C11orf58: variants seen among roughly 807,000 people sequenced by gnomAD.
C11orf58 encodes chromosome 11 open reading frame 58, also known as small acidic protein.
Under a neutral mutation model 22.7 loss-of-function variants are expected in C11orf58, and 5 were observed. That is an observed-to-expected ratio of 0.22 (90% CI 0.12 to 0.46). The LOEUF is 0.46. Among genes scored for constraint, C11orf58 ranks in the 20% least tolerant of loss-of-function variants. C11orf58 has a pLI of 0.99. For missense variants in C11orf58, 151 were observed against 223.3 expected, an observed-to-expected ratio of 0.68 and a Z score of 2.06; for synonymous variants, 71 against 70.7, an observed-to-expected ratio of 1.00 and a Z score of -0.02.
At chr11:16,753,932 T>C in intron 4 of C11orf58, 1 of 565,282 alleles carries the variant, frequency 1.8e-6, no homozygotes, top group Non-Finnish European at 3.2e-6. Flanking sequence ...ACTCCTGGGT[T>C]CAAGCGATCT....
At chr11:16,746,274 T>C (rs928922709) in intron 2 of C11orf58, among the ~76,000 whole-genome samples, 1 of 152,216 alleles carries the variant, frequency 6.6e-6, no homozygotes, top group African/African-American at 2.4e-5. Context: ...TTGTATAATA[T>C]CTCATTAATC....
In C11orf58 at chr11:16,755,093, A is replaced by C; in HGVS notation, c.541A>C (p.Ser181Arg). 1 of 1,613,996 alleles carries C rather than the reference A, an allele frequency of 6.2e-7. No individual in the cohort carries two copies. The change falls in exon 5 of 5, where the codon AGT becomes CGT. Residue 181 changes from serine (S) to arginine (R), a missense_variant. This residue lies in a region of C11orf58 where 112 missense variants were observed against 162.6 expected (regional missense o/e 0.69). Coordinates refer to ENST00000228136, the MANE Select transcript of C11orf58 (RefSeq NM_014267.6). Reference protein sequence around the residue: ...SNYKMMFVKSSGS With the variant: ...SNYKMMFVKSRGS ...TTATAAAATGATGTTTGTTAAATCC[A>C]GTGGTTCATAACTCCCAAACGCTTA...
chr11:16,744,515 A>C, intron 1 of C11orf58, 86 bp from the exon 2 acceptor site: 1 of 1,083,108 alleles, frequency 9.2e-7, no homozygotes, highest in Non-Finnish European at 1.4e-6. Context: ...ACAGGGGAAA[A>C]AAACTTGAGA....
rs1848584871 is a variant in C11orf58, at chr11:16,756,990, T to C, written c.*1886T>C. On this transcript the variant is annotated 3_prime_UTR_variant, in exon 5 of 5. Coordinates refer to ENST00000228136, the MANE Select transcript of C11orf58 (RefSeq NM_014267.6). ...GGTGATTTCTGGTTGATAGACTCTA[T>C]CTTGCAGTATATTTATTTCATGTAT... is the stretch of plus-strand genomic sequence containing the variant. 1 of 151,934 alleles carries C rather than the reference T, an allele frequency of 6.6e-6. No homozygotes were observed. Among genetic ancestry groups the C allele is most frequent in the African/African-American group, 2.4e-5 (1 of 41,382 alleles). The allele number at this position is 151,934 out of a possible 1,614,324, so 9.4% of individuals were successfully genotyped here.
chr11:16,754,743 G>C (rs1407163941), intron 4 of C11orf58, 128 bp from the exon 5 acceptor site: 1 of 1,444,888 alleles, frequency 6.9e-7, no homozygotes, highest in Non-Finnish European at 9.3e-7. Context: ...TTCTACTCAA[G>C]TCTTAAAGCT....
At chr11:16,747,812 ATCT>A in intron 2 of C11orf58, 1 of 200,732 alleles carries the variant, frequency 5.0e-6, no homozygotes, top group South Asian at 1.3e-4. Flanking sequence ...TTATCTATTC[ATCT>A]TATTTAAAAT....
chr11:16,754,933 A>G lies in C11orf58; in HGVS notation c.381A>G (p.Ser127=), dbSNP rs372208478. The G allele has an allele frequency of 6.2e-7, 1 of 1,614,122 alleles. No homozygotes were observed. Among genetic ancestry groups the G allele is most frequent in the Non-Finnish European group, 8.5e-7 (1 of 1,180,010 alleles). ...AGDDDDDDDD[S]PDPESPDDSE... is the part of the protein sequence containing the mutation. ...ATGATGATGATGACGATGATGATTC[A>G]CCTGATCCTGAAAGTCCAGATGATT... Residue 127 remains serine, a synonymous_variant, in exon 5 of 5, where the codon TCA becomes TCG. Transcript: ENST00000228136.
In C11orf58 at chr11:16,755,115, C is replaced by G. The variant is rs1848566005; in HGVS notation, c.*11C>G. The G allele has an allele frequency of 1.2e-6, 2 of 1,612,558 alleles. No homozygotes were observed. The highest frequency in any genetic ancestry group is 1.7e-6 in the Non-Finnish European group (2 of 1,179,560). On this transcript the variant is annotated 3_prime_UTR_variant, in exon 5 of 5. Coordinates refer to ENST00000228136, the MANE Select transcript of C11orf58 (RefSeq NM_014267.6). Reference sequence around the variant, plus strand: ...TCCAGTGGTTCATAACTCCCAAACGCTTAGTCTTTGTATTAAAAGTAAGCC... The same window carrying G: ...TCCAGTGGTTCATAACTCCCAAACGGTTAGTCTTTGTATTAAAAGTAAGCC...
intron 1 of C11orf58, among the ~76,000 whole-genome samples, chr11:16,743,993 C>T (rs1169892728): frequency 6.9e-6 from 1 of 144,760 alleles, no homozygotes; most frequent in African/African-American, 2.6e-5. Context: ...CTTTGGAAGA[C>T]TTTTAAGAAA....
intron 1 of C11orf58, among the ~76,000 whole-genome samples, chr11:16,740,663 C>G (rs1287121752): frequency 3.9e-5 from 6 of 152,028 alleles, no homozygotes; most frequent in Non-Finnish European, 7.4e-5. Context: ...CCCAAGCGAT[C>G]TGCCCACCTC....
chr11:16,741,227 C>T (rs1046147403), intron 1 of C11orf58, among the ~76,000 whole-genome samples: 3 of 151,764 alleles, frequency 2.0e-5, no homozygotes, highest in East Asian at 1.9e-4. Context: ...GGTAACAAAA[C>T]ATTTTTTTAC....
chr11:16,739,177 T>G (rs11826990), intron 1 of C11orf58, among the ~76,000 whole-genome samples: 33,599 of 151,824 alleles, frequency 0.22, 4,008 homozygotes, highest in Admixed American at 0.33. Context: ...TTGTACTCAG[T>G]ATAGAGACGG....
chr11:16,753,019 A>G, intron 4 of C11orf58, 125 bp downstream of exon 4: 2 of 665,424 alleles, frequency 3.0e-6, no homozygotes, highest in Non-Finnish European at 5.0e-6. Flanking sequence ...AGTTATCTTA[A>G]AAATAATTTT....
chr11:16,748,355 G>A, intron 3 of C11orf58, 198 bp downstream of exon 3: 1 of 454,118 alleles, frequency 2.2e-6, no homozygotes, highest in Non-Finnish European at 4.0e-6. Context: ...TTAAGCCCAG[G>A]AGTTTGAGGC....
At chr11:16,747,891 A>G (rs1434902521) in intron 2 of C11orf58, 1 of 452,688 alleles carries the variant, frequency 2.2e-6, no homozygotes, top group Non-Finnish European at 4.0e-6. Flanking sequence ...TTTCTAACAT[A>G]GTATAAATAG....
chr11:16,738,984 T>C, intron 1 of C11orf58, 143 bp downstream of exon 1: 1 of 879,848 alleles, frequency 1.1e-6, no homozygotes, highest in Non-Finnish European at 1.8e-6. Flanking sequence ...GAGTGGGAAA[T>C]GCCTCCCTTA....
At chr11:16,742,993 C>T (rs1351592172) in intron 1 of C11orf58, among the ~76,000 whole-genome samples, 1 of 152,046 alleles carries the variant, frequency 6.6e-6, no homozygotes, top group Non-Finnish European at 1.5e-5. Context: ...GAAAAAAATC[C>T]ACTTATAAGG....
chr11:16,749,529 G>A (rs1022276622), intron 3 of C11orf58: 2 of 152,258 alleles, frequency 1.3e-5, no homozygotes, highest in African/African-American at 4.8e-5. Flanking sequence ...CATAGCAGGA[G>A]GTGAGTGGCA....
intron 1 of C11orf58, among the ~76,000 whole-genome samples, chr11:16,739,955 G>C (rs1489937428): frequency 6.6e-6 from 1 of 152,166 alleles, no homozygotes; most frequent in African/African-American, 2.4e-5. Context: ...GGTGGGGCGA[G>C]GACCGGAATA....
Sources: gnomAD v4.1 joint callset for allele counts (sites outside exome capture counted in the v4.1 genomes callset) on GRCh38, gnomAD v4.1.1 for gene constraint, gnomAD v4.1.1 regional missense constraint, MANE v1.5 for transcripts, NCBI Gene and HGNC (gene_info 2026-07-23, HGNC 2026-07-21) for gene names.